TSC22D1: variants seen among roughly 807,000 people sequenced by gnomAD.
TSC22D1 encodes the protein TSC22 domain family member 1, also known as TSC22 domain family protein 1.
Under a neutral mutation model 74.2 loss-of-function variants are expected in TSC22D1, and 9 were observed. That is an observed-to-expected ratio of 0.12 (90% confidence interval 0.07 to 0.21). The LOEUF (loss-of-function observed/expected upper bound fraction) is 0.21. TSC22D1 is among the 10% of genes least tolerant of loss of function. TSC22D1 has a pLI of 1.00. For missense variants in TSC22D1, 1,427 were observed against 1,304.7 expected, an observed-to-expected ratio of 1.09 and a Z score of -1.44; for synonymous variants, 586 against 492.5, an observed-to-expected ratio of 1.19 and a Z score of -2.51.
chr13:44,445,022 T>C (rs957341074), intron 1 of TSC22D1, among the ~76,000 whole-genome samples: 1 of 152,048 alleles, frequency 6.6e-6, no homozygotes, highest in Non-Finnish European at 1.5e-5. Context: ...TACAAACTCT[T>C]CCAGAGAGAC....
intron 1 of TSC22D1, among the ~76,000 whole-genome samples, chr13:44,530,821 A>G (rs1450108605): frequency 6.6e-6 from 1 of 152,226 alleles, no homozygotes; most frequent in African/African-American, 2.4e-5. Context: ...CTATTAGAGT[A>G]GCTACAACCA....
chr13:44,486,826 A>C (rs1270814598), intron 1 of TSC22D1, among the ~76,000 whole-genome samples: 1 of 152,218 alleles, frequency 6.6e-6, no homozygotes, highest in Non-Finnish European at 1.5e-5. Context: ...GGATAATTTC[A>C]AAACACTTTA....
intron 1 of TSC22D1, chr13:44,539,235 A>G: frequency 2.0e-6 from 2 of 985,232 alleles, no homozygotes; most frequent in Non-Finnish European, 2.4e-6. Flanking sequence ...TAAAGAATGG[A>G]GCCTAGAATT....
chr13:44,557,999 G>C (rs1882796823), intron 1 of TSC22D1, among the ~76,000 whole-genome samples: 1 of 152,136 alleles, frequency 6.6e-6, no homozygotes, highest in African/African-American at 2.4e-5. Context: ...AATGTACTAA[G>C]AGAAAATAAT....
chr13:44,547,971 T>C (rs1881941491), intron 1 of TSC22D1, among the ~76,000 whole-genome samples: 1 of 152,168 alleles, frequency 6.6e-6, no homozygotes, highest in African/African-American at 2.4e-5. Flanking sequence ...TGCACTGTAT[T>C]ATGCATTTTA....
At chr13:44,468,129 A>T (rs188926851) in intron 1 of TSC22D1, among the ~76,000 whole-genome samples, 85 of 152,270 alleles carry the variant, frequency 5.6e-4, no homozygotes, top group African/African-American at 1.8e-3. Flanking sequence ...GGAATGGAAA[A>T]CCAAATACCA....
chr13:44,487,514 AAAAAAAAAAAAAAG>A, intron 1 of TSC22D1, among the ~76,000 whole-genome samples: 1 of 148,506 alleles, frequency 6.7e-6, no homozygotes, highest in Non-Finnish European at 1.5e-5. Flanking sequence ...AAAAAAAAAA[AAAAAAAAAAAAAAG>A]AAAAGAAAAA....
rs74068553 is a variant in TSC22D1, at chr13:44,503,612, A to G, written c.2913-67517T>C. 3.3e-3 allele frequency among the ~76,000 whole-genome samples: 499 copies of G among 152,336 alleles called. 2 individuals are homozygous for G. Among genetic ancestry groups the G allele is most frequent in the African/African-American group, 0.011 (441 of 41,574 alleles). On this transcript the variant is annotated intron_variant, in intron 1 of 2. Transcript: ENST00000458659. ...GGGGAAAAGATACAATCTAGAATAG[A>G]AAAGTCTTTCAGTATTTCCAACTCT...
chr13:44,562,494 A>T (rs1360197674), intron 1 of TSC22D1, among the ~76,000 whole-genome samples: 1 of 152,212 alleles, frequency 6.6e-6, no homozygotes, highest in Non-Finnish European at 1.5e-5. Context: ...AAATGCTCAC[A>T]TTTAGTATCA....
At chr13:44,554,348 C>T (rs531014764) in intron 1 of TSC22D1, among the ~76,000 whole-genome samples, 11 of 152,182 alleles carry the variant, frequency 7.2e-5, no homozygotes, top group Non-Finnish European at 1.6e-4. Flanking sequence ...GCTTATTCAT[C>T]GATAGTCCAG....
chr13:44,538,576 C>G, intron 1 of TSC22D1: 1 of 985,380 alleles, frequency 1.0e-6, no homozygotes, highest in East Asian at 1.1e-4. Flanking sequence ...CAAGCTTCCT[C>G]TATTTCAGTC....
At chr13:44,523,582 T>C (rs1045109700) in intron 1 of TSC22D1, among the ~76,000 whole-genome samples, 5 of 152,034 alleles carry the variant, frequency 3.3e-5, no homozygotes, top group African/African-American at 1.2e-4. Flanking sequence ...ACTAGACAGA[T>C]AGTAAGATCT....
chr13:44,485,007 A>G (rs1477027321), intron 1 of TSC22D1, among the ~76,000 whole-genome samples: 2 of 152,232 alleles, frequency 1.3e-5, no homozygotes, highest in Non-Finnish European at 2.9e-5. Flanking sequence ...GTGAGAACTG[A>G]AAAAGAATAG....
intron 1 of TSC22D1, among the ~76,000 whole-genome samples, chr13:44,478,212 C>T (rs1878014562): frequency 6.6e-6 from 1 of 151,994 alleles, no homozygotes; most frequent in African/African-American, 2.4e-5. Context: ...CCTTAAGTTA[C>T]AAGAAATATT....
intron 1 of TSC22D1, among the ~76,000 whole-genome samples, chr13:44,509,950 C>CAAAAAAAAAAAAAAAAAAAAAAG: frequency 9.3e-4 from 48 of 51,434 alleles, no homozygotes; most frequent in South Asian, 3.0e-3. Flanking sequence ...AGAAAATAAG[C>CAAAAAAAAAAAAAAAAAAAAAAG]AAAAAAAAAA....
At chr13:44,540,148 A>G in intron 1 of TSC22D1, 1 of 320,756 alleles carries the variant, frequency 3.1e-6, no homozygotes, top group Non-Finnish European at 6.2e-6. Flanking sequence ...CTAAGCCATA[A>G]CACACTCTGT....
At chr13:44,513,568 A>T (rs751995743) in intron 1 of TSC22D1, among the ~76,000 whole-genome samples, 4 of 152,230 alleles carry the variant, frequency 2.6e-5, no homozygotes, top group Non-Finnish European at 5.9e-5. Context: ...AACAAAATAG[A>T]GTGAAATATT....
chr13:44,435,965 G>A, intron 2 of TSC22D1, 79 bp downstream of exon 2: 2 of 1,340,106 alleles, frequency 1.5e-6, no homozygotes, highest in Non-Finnish European at 1.1e-6. Context: ...CTGAACTTAG[G>A]GATGCACTGG....
At chr13:44,453,993 T>C (rs1244874181) in intron 1 of TSC22D1, among the ~76,000 whole-genome samples, 2 of 152,204 alleles carry the variant, frequency 1.3e-5, no homozygotes, top group Non-Finnish European at 2.9e-5. Context: ...TATTTAAAAA[T>C]TCAGTTGCAT....
Sources: allele counts gnomAD v4.1 joint callset (sites outside exome capture counted in the v4.1 genomes callset), GRCh38; gene constraint gnomAD v4.1.1; transcripts MANE v1.5; gene names NCBI Gene and HGNC (gene_info 2026-07-23, HGNC 2026-07-21).